The following LOXL1 variants were observed in gnomAD, a reference collection of about 807,000 sequenced individuals.
LOXL1 encodes the protein lysyl oxidase homolog 1.
LOXL1 carries 31 observed loss-of-function variants against 62.2 expected under a neutral mutation model. The ratio of observed to expected loss-of-function variants is 0.50; its 90% CI spans 0.37 to 0.67. The LOEUF (loss-of-function observed/expected upper bound fraction) is 0.67, where lower values mean the gene tolerates loss of function less well. Ranked by LOEUF, LOXL1 falls within the 30% of genes least tolerant of loss-of-function variation. The pLI, the probability that LOXL1 is intolerant of heterozygous loss-of-function variation, is 0.00. For synonymous variants in LOXL1, 403 were observed against 384.4 expected, an observed-to-expected ratio of 1.05 and a Z score of -0.56; for missense variants, 775 against 843.4, an observed-to-expected ratio of 0.92 and a Z score of 1.00.
chr15:73,941,984 C>T (rs566768227), intron 1 of LOXL1: 15 of 270,250 alleles, frequency 5.6e-5, no homozygotes, highest in African/African-American at 2.7e-4. Flanking sequence ...ACCACAAGGA[C>T]GGGGGCAGTC....
At chr15:73,944,987 G>A (rs547241134) in intron 2 of LOXL1, among the ~76,000 whole-genome samples, 1 of 152,330 alleles carries the variant, frequency 6.6e-6, no homozygotes, top group East Asian at 1.9e-4. Context: ...CCAGGGAAGA[G>A]CCCCTGAGGC....
chr15:73,927,414 GGCGTGGGC>G lies in LOXL1; in HGVS notation c.635_642del (p.Val212GlyfsTer78). On this transcript the variant is annotated frameshift_variant, in exon 1 of 7. Transcript: ENST00000261921. LOFTEE classifies it high-confidence loss of function. ...CGTGTACTACCGGCCCGCGGGCGGC[GGCGTGGGC>G]GCGGGGGCGGCGGCCGTGGCCTCGG... 2 of 1,532,428 alleles carry G rather than the reference GGCGTGGGC, an allele frequency of 1.3e-6. No homozygotes were observed. Among genetic ancestry groups the G allele is most frequent in the Non-Finnish European group, 1.8e-6 (2 of 1,142,232 alleles). The allele number at this position is 1,532,428 out of a possible 1,614,324, so 94.9% of individuals were successfully genotyped here.
intron 1 of LOXL1, among the ~76,000 whole-genome samples, chr15:73,932,744 T>C (rs1242239755): frequency 6.6e-6 from 1 of 152,266 alleles, no homozygotes; most frequent in East Asian, 1.9e-4. Context: ...ATGAGGAAAC[T>C]GTGGCCCTGA....
intron 1 of LOXL1, among the ~76,000 whole-genome samples, chr15:73,938,749 T>G (rs1360785868): frequency 1.3e-5 from 2 of 151,818 alleles, no homozygotes; most frequent in Non-Finnish European, 2.9e-5. Context: ...GGTGCGGTGG[T>G]TCACGCCTGC....
At position 73,951,776 on chromosome 15, in the gene LOXL1, G is replaced by A. The variant is rs576598410; in HGVS notation, c.1719-55G>A. The A allele has an allele frequency of 1.9e-5, 28 of 1,481,116 alleles. No homozygotes were observed. The East Asian group carries it at 3.6e-4, about 19-fold the overall frequency. The allele number at this position is 1,481,116 out of a possible 1,614,324, so 91.7% of individuals were successfully genotyped here. A position where few individuals can be genotyped will look rare whatever the true frequency, so the allele number is the denominator to read the frequency against. ...TGGGAGGGACGCCCTGGCTGAGGAG[G>A]CCACGGGGGCCTACTTTGCAGCCCC... On this transcript the variant is annotated intron_variant, in intron 6 of 6. Coordinates refer to ENST00000261921, the MANE Select transcript of LOXL1 (RefSeq NM_005576.4).
At position 73,947,891 on chromosome 15, in the gene LOXL1, T is replaced by C. The variant is rs2068759558; in HGVS notation, c.1591T>C (p.Tyr531His). Residue 531 changes from tyrosine (Y) to histidine (H), a missense_variant, in exon 5 of 7, where the codon TAC becomes CAC. Transcript: ENST00000261921. ...IDITDVQPGN[Y>H]ILKVHVNPKY... ...CATAACCGACGTGCAGCCTGGGAAC[T>C]ACATCCTCAAGGTGGGCCTCTGGGT... 1 of 1,613,044 alleles carries C rather than the reference T, an allele frequency of 6.2e-7. No homozygotes were observed. The highest frequency in any genetic ancestry group is 8.5e-7 in the Non-Finnish European group (1 of 1,179,300).
intron 5 of LOXL1, 114 bp from the exon 6 acceptor site, chr15:73,949,345 T>C: frequency 9.5e-6 from 7 of 738,246 alleles, no homozygotes; most frequent in Non-Finnish European, 1.8e-5. Flanking sequence ...GTTCTCCCTC[T>C]CTCTGTCACC....
chr15:73,936,873 G>A (rs539006192), intron 1 of LOXL1, among the ~76,000 whole-genome samples: 2 of 152,388 alleles, frequency 1.3e-5, no homozygotes, highest in African/African-American at 4.8e-5. Context: ...GGTTGTGAGA[G>A]GGCTCGGGCT....
At position 73,927,696 on chromosome 15, in the gene LOXL1, C is replaced by T. The variant is rs1245226452; in HGVS notation, c.913C>T (p.Pro305Ser). The T allele has an allele frequency of 4.0e-6, 6 of 1,483,242 alleles. No individual in the cohort carries two copies. The Admixed American group carries it at 1.4e-4, about 34-fold the overall frequency. 91.9% of individuals were successfully genotyped at this position (1,483,242 alleles called of 1,614,324 possible). ...GGCGGCGCAGGCCCATGGCGGAGAC[C>T]CACGCCTGGGCTGGTACCCGCCCTA... is the stretch of plus-strand genomic sequence containing the variant. ...PEAAQAHGGDPRLGWYPPYAN... is the reference protein window; with the variant it reads ...PEAAQAHGGDSRLGWYPPYAN... The change falls in exon 1 of 7, where the codon CCA becomes TCA. Residue 305 changes from proline to serine, a missense_variant. By Grantham distance (74) the Pro-to-Ser change is moderately conservative. Coordinates refer to ENST00000261921, the MANE Select transcript of LOXL1 (RefSeq NM_005576.4).
At chr15:73,936,081 G>C (rs1266430023) in intron 1 of LOXL1, among the ~76,000 whole-genome samples, 1 of 152,010 alleles carries the variant, frequency 6.6e-6, no homozygotes, top group Admixed American at 6.6e-5. Flanking sequence ...CTGATCCTTA[G>C]GATTAAGAGT....
chr15:73,948,405 G>A (rs540211698), intron 5 of LOXL1, among the ~76,000 whole-genome samples: 1 of 152,296 alleles, frequency 6.6e-6, no homozygotes, highest in East Asian at 1.9e-4. Flanking sequence ...GGGAAAAGTA[G>A]AAAAGCATAT....
At chr15:73,938,666 G>A (rs564389387) in intron 1 of LOXL1, among the ~76,000 whole-genome samples, 3 of 152,290 alleles carry the variant, frequency 2.0e-5, no homozygotes, top group East Asian at 1.9e-4. Flanking sequence ...AGCCAAGATC[G>A]CACCACTGCC....
chr15:73,934,161 T>A (rs1349206939), intron 1 of LOXL1, among the ~76,000 whole-genome samples: 1 of 152,126 alleles, frequency 6.6e-6, no homozygotes, highest in Non-Finnish European at 1.5e-5. Context: ...GAACCACAGG[T>A]TTTCCAAACC....
intron 4 of LOXL1, 23 bp from the exon 5 acceptor site, chr15:73,947,784 C>A (rs752313777): frequency 1.3e-6 from 2 of 1,535,566 alleles, no homozygotes; most frequent in Non-Finnish European, 1.8e-6. Flanking sequence ...GCATCACAGC[C>A]GCTCCTCTTG....
In LOXL1 at chr15:73,927,241, G is replaced by C. The variant is rs3825942; in HGVS notation, c.458G>C (p.Gly153Ala). 2 of 1,597,666 alleles carry C rather than the reference G, an allele frequency of 1.3e-6. No homozygotes were observed. Among genetic ancestry groups the C allele is most frequent in the South Asian group, 2.2e-5 (2 of 89,922 alleles). The change falls in exon 1 of 7, where the codon GGC becomes GCC. Residue 153 changes from glycine (G) to alanine (A), a missense_variant. Physicochemically the swap from Gly to Ala is moderately conservative, Grantham distance 60. Transcript: ENST00000261921. ...TCCGTCTCCCAGCAACGGCACGGGG[G>C]CTCCGCCTCCTCGGTCTCGGCTTCG... ...RTSVSQQRHG[G>A]SASSVSASAF...
At chr15:73,944,066 A>G (rs7173508) in intron 2 of LOXL1, among the ~76,000 whole-genome samples, 148,630 of 152,334 alleles carry the variant, frequency 0.98, 72,527 homozygotes, top group East Asian at 1. Context: ...GCAAGTTCCC[A>G]ATCCCATCCC....
rs2068627782 is a variant in LOXL1, at chr15:73,930,422, G to A, written c.1102+2537G>A. 6.6e-6 allele frequency among the ~76,000 whole-genome samples: 1 copy of A among 152,112 alleles called. No homozygotes were observed. Among genetic ancestry groups the A allele is most frequent in the Non-Finnish European group, 1.5e-5 (1 of 68,004 alleles). On this transcript the variant is annotated intron_variant, in intron 1 of 6. Coordinates refer to ENST00000261921, the MANE Select transcript of LOXL1 (RefSeq NM_005576.4). The surrounding 1 kb of genome is among the most constrained non-coding windows in gnomAD (Gnocchi z 4.7). ...GGCTCACAAAGAGGCCAGAGAGGGAGCAGTAGTCTCTCCCATCATTGGTTC... is the reference window on the plus strand; with the variant it reads ...GGCTCACAAAGAGGCCAGAGAGGGAACAGTAGTCTCTCCCATCATTGGTTC...
Position 73,946,401 on chromosome 15 carries a change from C to CCCCCCCTCCCTGCAGCACAG in LOXL1, c.1212-14_1212-13insCCCCTCCCTGCAGCACAGCC. The stretch of plus-strand genomic sequence containing the variant: ...TGTGCCCCAACCCCCCCTCATCTCC[C>CCCCCCCTCCCTGCAGCACAG]CCGCCGTCCCTGCAGCACAGCCTAT... On this transcript the variant is annotated splice_polypyrimidine_tract_variant and intron_variant, in intron 2 of 6. Transcript: ENST00000261921. 1 of 1,601,862 alleles carries CCCCCCCTCCCTGCAGCACAG rather than the reference C, an allele frequency of 6.2e-7. No individual in the cohort carries two copies. Among genetic ancestry groups the CCCCCCCTCCCTGCAGCACAG allele is most frequent in the South Asian group, 1.1e-5 (1 of 90,302 alleles).
chr15:73,940,338 C>G (rs557268108), intron 1 of LOXL1, among the ~76,000 whole-genome samples: 47 of 152,266 alleles, frequency 3.1e-4, no homozygotes, highest in African/African-American at 1.0e-3. Flanking sequence ...TCCTTAGTCT[C>G]TCTTCCAATT....
Sources: allele counts gnomAD v4.1 joint callset (sites outside exome capture counted in the v4.1 genomes callset), GRCh38; gene constraint gnomAD v4.1.1; non-coding constraint Gnocchi (gnomAD v3.1); transcripts MANE v1.5; gene names NCBI Gene and HGNC (gene_info 2026-07-23, HGNC 2026-07-21).